RAVER2: variants seen among roughly 807,000 people sequenced by gnomAD.
The protein encoded by RAVER2 is ribonucleoprotein, PTB binding 2, also known as ribonucleoprotein PTB-binding 2.
In RAVER2, 46 loss-of-function variants were observed where a neutral mutation model predicts 78.1. That is an observed-to-expected ratio of 0.59 (90% CI 0.46 to 0.75). RAVER2 has a LOEUF of 0.75. RAVER2 is among the 30% of genes least tolerant of loss of function. RAVER2 has a pLI of 0.00. For synonymous variants in RAVER2, 311 were observed against 313.3 expected (o/e 0.99, Z 0.08); for missense variants, 793 against 837.5 (o/e 0.95, Z 0.66).
chr1:64,804,862 T>G (rs1156284535), intron 7 of RAVER2, 24 bp downstream of exon 7: 1 of 1,527,302 alleles, frequency 6.5e-7, no homozygotes, highest in Admixed American at 1.8e-5. Context: ...CATTTTTTCT[T>G]TTAAAATCAG....
intron 3 of RAVER2, among the ~76,000 whole-genome samples, chr1:64,779,203 C>A (rs1346047031): frequency 2.0e-5 from 3 of 152,000 alleles, no homozygotes; most frequent in African/African-American, 7.2e-5. Flanking sequence ...CTGTAGTCAT[C>A]ATGTTGTCCA....
intron 1 of RAVER2, among the ~76,000 whole-genome samples, chr1:64,755,045 A>G (rs748847613): frequency 6.6e-6 from 1 of 152,228 alleles, no homozygotes; most frequent in Non-Finnish European, 1.5e-5. Context: ...TGCCTGGCCC[A>G]GAGTGGATGC....
At chr1:64,774,784 G>A (rs543900195) in intron 2 of RAVER2, among the ~76,000 whole-genome samples, 25 of 152,210 alleles carry the variant, frequency 1.6e-4, no homozygotes, top group Non-Finnish European at 3.2e-4. Flanking sequence ...CCATTTTTAC[G>A]ATATTGATTC....
intron 1 of RAVER2, among the ~76,000 whole-genome samples, chr1:64,755,982 C>T (rs768432274): frequency 3.9e-5 from 6 of 152,042 alleles, no homozygotes; most frequent in Non-Finnish European, 8.8e-5. Context: ...TGCAATGCTA[C>T]CCTCAAAGTC....
intron 4 of RAVER2, among the ~76,000 whole-genome samples, chr1:64,789,125 TATG>T (rs1175958381): frequency 6.6e-6 from 1 of 152,220 alleles, no homozygotes; most frequent in Non-Finnish European, 1.5e-5. Flanking sequence ...ATTTGTATGA[TATG>T]ATGAGACTCA....
intron 1 of RAVER2, among the ~76,000 whole-genome samples, chr1:64,766,132 G>A (rs1280735828): frequency 6.6e-6 from 1 of 152,124 alleles, no homozygotes; most frequent in Non-Finnish European, 1.5e-5. Flanking sequence ...AATCTGGTAT[G>A]GAAATAGTTT....
chr1:64,767,025 GTGTA>G (rs1334336382), intron 1 of RAVER2, among the ~76,000 whole-genome samples: 1 of 152,082 alleles, frequency 6.6e-6, no homozygotes, highest in Non-Finnish European at 1.5e-5. Context: ...AAATTGGTAA[GTGTA>G]TGTATTTTAA....
chr1:64,816,759 T>A (rs1653765766), intron 11 of RAVER2, among the ~76,000 whole-genome samples: 1 of 152,188 alleles, frequency 6.6e-6, no homozygotes. Flanking sequence ...CAATTCAAGA[T>A]GGATTAAAGA....
chr1:64,766,982 A>G (rs1259999860), intron 1 of RAVER2, among the ~76,000 whole-genome samples: 1 of 152,150 alleles, frequency 6.6e-6, no homozygotes, highest in African/African-American at 2.4e-5. Flanking sequence ...AATTGAGCAT[A>G]GTACCATATG....
intron 1 of RAVER2, among the ~76,000 whole-genome samples, chr1:64,754,956 C>T (rs1177023776): frequency 6.6e-6 from 1 of 152,162 alleles, no homozygotes; most frequent in Non-Finnish European, 1.5e-5. Context: ...AACAAATCAA[C>T]CATGCGACTT....
At chr1:64,763,702 G>GA (rs1652087865) in intron 1 of RAVER2, among the ~76,000 whole-genome samples, 1 of 151,980 alleles carries the variant, frequency 6.6e-6, no homozygotes, top group Non-Finnish European at 1.5e-5. Context: ...AGGAGTTCAG[G>GA]ACCAGCCTGG....
intron 11 of RAVER2, among the ~76,000 whole-genome samples, chr1:64,822,184 A>T (rs1653906213): frequency 6.6e-6 from 1 of 152,130 alleles, no homozygotes; most frequent in South Asian, 2.1e-4. Context: ...GCTACTCGGG[A>T]GGCTGAGGCA....
chr1:64,785,275 G>T (rs1229380912), intron 4 of RAVER2, among the ~76,000 whole-genome samples: 1 of 151,734 alleles, frequency 6.6e-6, no homozygotes, highest in Non-Finnish European at 1.5e-5. Context: ...TACAACTATT[G>T]AGATAATCAT....
intron 11 of RAVER2, among the ~76,000 whole-genome samples, chr1:64,817,976 G>T (rs1039981259): frequency 5.3e-5 from 8 of 152,068 alleles, no homozygotes; most frequent in Admixed American, 3.9e-4. Flanking sequence ...ATCTCTCCAA[G>T]TTCATACAAT....
intron 1 of RAVER2, among the ~76,000 whole-genome samples, chr1:64,752,941 G>A (rs1042804419): frequency 1.3e-5 from 2 of 152,174 alleles, no homozygotes; most frequent in African/African-American, 4.8e-5. Flanking sequence ...GAGGGGAAAT[G>A]TAGAGAAGCT....
intron 1 of RAVER2, among the ~76,000 whole-genome samples, chr1:64,748,716 G>C (rs1211531973): frequency 6.6e-6 from 1 of 152,090 alleles, no homozygotes; most frequent in Non-Finnish European, 1.5e-5. Context: ...CTGTATTTCT[G>C]TATTACCATG....
At chr1:64,805,508 T>C (rs1195788064) in intron 8 of RAVER2, among the ~76,000 whole-genome samples, 1 of 152,252 alleles carries the variant, frequency 6.6e-6, no homozygotes, top group Admixed American at 6.5e-5. Flanking sequence ...ATTATTTATT[T>C]GTATTATTTA....
intron 11 of RAVER2, among the ~76,000 whole-genome samples, chr1:64,818,396 C>T (rs1213395364): frequency 2.0e-5 from 3 of 151,934 alleles, no homozygotes; most frequent in African/African-American, 7.3e-5. Flanking sequence ...ATTAGCCGGG[C>T]GTGGTGGTGG....
chr1:64,777,891 T>G (rs1299957316), exon 3 of RAVER2: 1 of 1,614,120 alleles, frequency 6.2e-7, no homozygotes. Context: ...AAAAGGACTT[T>G]GCTGCAAAGG....
Sources: gnomAD v4.1 joint callset for allele counts (sites outside exome capture counted in the v4.1 genomes callset) on GRCh38, gnomAD v4.1.1 for gene constraint, MANE v1.5 for transcripts, NCBI Gene and HGNC (gene_info 2026-07-23, HGNC 2026-07-21) for gene names.